Variants in DSC2 observed in about 807,000 individuals in gnomAD.
DSC2 encodes desmocollin-2.
DSC2 carries 51 observed loss-of-function variants against 87.6 expected under a neutral mutation model. That is an observed-to-expected ratio of 0.58 (90% CI 0.46 to 0.74). The LOEUF is 0.74. DSC2 is among the 30% of genes least tolerant of loss of function. DSC2 has a pLI of 0.00. For synonymous variants in DSC2, 383 were observed against 393.2 expected (o/e 0.97, Z 0.31); for missense variants, 1,066 against 1,089.5 (o/e 0.98, Z 0.30).
At position 31,086,637 on chromosome 18, in the gene DSC2, AG is replaced by A. The variant is rs1451144520; in HGVS notation, c.880del (p.Leu294TyrfsTer10). 2 of 1,614,044 alleles carry A rather than the reference AG, an allele frequency of 1.2e-6. No individual in the cohort carries two copies. Among genetic ancestry groups the A allele is most frequent in the Non-Finnish European group, 1.7e-6 (2 of 1,180,008 alleles). On this transcript the variant is annotated frameshift_variant, in exon 7 of 16. Transcript: ENST00000280904. LOFTEE classifies it high-confidence loss of function. ...IIGQVPPSPT[L>X]FSMHPTTGVI... ...GCCTGTAGTTGGATGCATAGAAAAT[AG>A]GGTGGGTGATGGTGGCACCTGCCCA...
intron 7 of DSC2, among the ~76,000 whole-genome samples, chr18:31,085,892 G>A (rs1229394489): frequency 6.6e-6 from 1 of 152,016 alleles, no homozygotes; most frequent in African/African-American, 2.4e-5. Context: ...CTAAGCTAGG[G>A]TATTGCAGTA....
intron 9 of DSC2, among the ~76,000 whole-genome samples, chr18:31,081,298 C>T (rs150386841): frequency 0.01 from 1,537 of 152,048 alleles, 27 homozygotes; most frequent in African/African-American, 0.036. Flanking sequence ...GTCTTAAAGA[C>T]GGGAACATAT....
chr18:31,094,677 A>G (rs1987708572), intron 1 of DSC2, among the ~76,000 whole-genome samples: 1 of 152,220 alleles, frequency 6.6e-6, no homozygotes, highest in Admixed American at 6.5e-5. Flanking sequence ...TTGGATGGAA[A>G]TGTTTATTTT....
rs1987994258 is a variant in DSC2, at chr18:31,102,255, T to C, written c.-284A>G. On this transcript the variant is annotated 5_prime_UTR_variant, in exon 1 of 16. Transcript: ENST00000280904. ...TTTAAGACTTAAGACTTCATTTCTC[T>C]AAGAAAGCCACGGGTGGGAACTCCC... 1.1e-5 allele frequency: 4 copies of C among 351,410 alleles called. No individual in the cohort carries two copies. The highest frequency in any genetic ancestry group is 2.1e-5 in the African/African-American group (1 of 47,200). 21.8% of individuals were successfully genotyped at this position (351,410 alleles called of 1,614,324 possible).
rs926276172 is a variant in DSC2 at position 31,102,221 on chromosome 18, T to C, written c.-250A>G. 1.8e-5 allele frequency: 8 copies of C among 435,286 alleles called. No individual in the cohort carries two copies. In the East Asian group the frequency reaches 2.6e-4, roughly 14 times the overall value. 27.0% of individuals were successfully genotyped at this position (435,286 alleles called of 1,614,324 possible). On this transcript the variant is annotated 5_prime_UTR_variant, in exon 1 of 16. Coordinates refer to ENST00000280904, the MANE Select transcript of DSC2 (RefSeq NM_024422.6). ...CAAAAGACACCGATCGGCCCCTCCT[T>C]GTTGTCTATTTAAGACTTAAGACTT... is the stretch of plus-strand genomic sequence containing the variant.
At chr18:31,071,912 T>C in intron 12 of DSC2, 71 bp from the exon 13 acceptor site, 1 of 1,312,554 alleles carries the variant, frequency 7.6e-7, no homozygotes. Context: ...AAATAACTCA[T>C]TATCAGATAG....
Position 31,087,727 on chromosome 18 carries a change from G to C in DSC2, c.717C>G (p.Asn239Lys). ...LIIKIEDEND[N>K]YPIFTEETYT... ...AAGTTTCTTCTGTAAAAATTGGGTA[G>C]TTATCATTTTCATCCTCTATTTTGA... The change falls in exon 6 of 16, where the codon AAC becomes AAG. Residue 239 changes from asparagine (N) to lysine (K), a missense_variant. By Grantham distance (94) the Asn-to-Lys change is moderately conservative. Transcript: ENST00000280904. 1 of 1,613,770 alleles carries C rather than the reference G, an allele frequency of 6.2e-7. No individual in the cohort carries two copies. The highest frequency in any genetic ancestry group is 1.1e-5 in the South Asian group (1 of 91,080).
At chr18:31,085,708 T>C (rs1177800845) in intron 7 of DSC2, among the ~76,000 whole-genome samples, 3 of 151,960 alleles carry the variant, frequency 2.0e-5, no homozygotes, top group Non-Finnish European at 4.4e-5. Context: ...AGAAAATTAA[T>C]CTGAAGATTT....
intron 3 of DSC2, chr18:31,091,680 A>G: frequency 2.2e-6 from 1 of 451,428 alleles, no homozygotes; most frequent in African/African-American, 2.0e-5. Context: ...ACACAATAGC[A>G]TGCATGTGGT....
intron 1 of DSC2, among the ~76,000 whole-genome samples, chr18:31,099,347 G>A (rs750699995): frequency 2.6e-5 from 4 of 152,106 alleles, no homozygotes; most frequent in African/African-American, 4.8e-5. Context: ...GCCAGGTGAC[G>A]GAGGTTAGGG....
rs1197849355 is a variant in DSC2 at position 31,065,813 on chromosome 18, C to T, written c.*2202G>A. ...ACCAGGCAATCCCATACGAATGCCT[C>T]AGCAATCTTTGCACTACGTATTCTG... On this transcript the variant is annotated 3_prime_UTR_variant, in exon 16 of 16. Coordinates refer to ENST00000280904, the MANE Select transcript of DSC2 (RefSeq NM_024422.6). The T allele has an allele frequency of 6.6e-6, 1 of 152,206 alleles. No homozygotes were observed. The highest frequency in any genetic ancestry group is 2.4e-5 in the African/African-American group (1 of 41,454). 9.4% of individuals were successfully genotyped at this position (152,206 alleles called of 1,614,324 possible). A position where few individuals can be genotyped will look rare whatever the true frequency, so the allele number is the denominator to read the frequency against.
In DSC2 at chr18:31,087,674, C is replaced by A. The variant is rs763706897; in HGVS notation, c.770G>T (p.Arg257Ile). ...TTGTTTAAGGAGGTACTCACCCACT[C>A]TGCAATTTTCAAAAATTGTAAAAGT... ...TYTFTIFENC[R>I]VGTTVGQVCA... is the part of the protein sequence containing the mutation. Residue 257 changes from arginine (R) to isoleucine (I), a missense_variant, in exon 6 of 16, where the codon AGA (arginine) becomes ATA (isoleucine). Transcript: ENST00000280904. 4 of 1,611,844 alleles carry A rather than the reference C, an allele frequency of 2.5e-6. No individual in the cohort carries two copies. The South Asian group carries it at 4.4e-5, about 18-fold the overall frequency.
intron 12 of DSC2, 88 bp downstream of exon 12, chr18:31,074,595 G>T: frequency 1.6e-6 from 2 of 1,243,990 alleles, no homozygotes; most frequent in Non-Finnish European, 1.1e-6. Flanking sequence ...CCCACATGGT[G>T]AATTTTCTCC....
chr18:31,087,955 A>G lies in DSC2; in HGVS notation c.631-142T>C, dbSNP rs887639332. On this transcript the variant is annotated intron_variant, in intron 5 of 15. Coordinates refer to ENST00000280904, the MANE Select transcript of DSC2 (RefSeq NM_024422.6). Reference sequence around the variant, plus strand: ...CATTTGTTATTGTTCTGGGATATGGATATAATTTTAATGCCAAAGAGGTGC... The same window carrying G: ...CATTTGTTATTGTTCTGGGATATGGGTATAATTTTAATGCCAAAGAGGTGC... 4 of 841,472 alleles carry G rather than the reference A, an allele frequency of 4.8e-6. No individual in the cohort carries two copies. In the East Asian group the frequency reaches 1.1e-4, roughly 22 times the overall value. The allele number at this position is 841,472 out of a possible 1,614,324, so 52.1% of individuals were successfully genotyped here.
rs1986586788 is a variant in DSC2, at chr18:31,065,261, T to C, written c.*2754A>G. 6.6e-6 allele frequency: 1 copy of C among 152,216 alleles called. No homozygotes were observed. The highest frequency in any genetic ancestry group is 1.5e-5 in the Non-Finnish European group (1 of 68,068). The allele number at this position is 152,216 out of a possible 1,614,324, so 9.4% of individuals were successfully genotyped here. On this transcript the variant is annotated 3_prime_UTR_variant, in exon 16 of 16. Transcript: ENST00000280904. Reference sequence around the variant, plus strand: ...CTTCTGGGAAAGGTGAATAAGAGCATCATGGCAAGATGTCAGCAGTAAAGC... The same window carrying C: ...CTTCTGGGAAAGGTGAATAAGAGCACCATGGCAAGATGTCAGCAGTAAAGC...
chr18:31,088,123 A>T (rs1451678823), intron 5 of DSC2, among the ~76,000 whole-genome samples: 1 of 152,172 alleles, frequency 6.6e-6, no homozygotes, highest in Non-Finnish European at 1.5e-5. Flanking sequence ...AACAGCCTTG[A>T]AGACTTCTTT....
chr18:31,090,967 T>C, intron 4 of DSC2, 61 bp downstream of exon 4: 1 of 1,606,238 alleles, frequency 6.2e-7, no homozygotes, highest in Non-Finnish European at 8.5e-7. Flanking sequence ...TCATACTCAG[T>C]GTCATAATGG....
chr18:31,101,566 C>A (rs1245559892), intron 1 of DSC2: 1 of 288,502 alleles, frequency 3.5e-6, no homozygotes, highest in East Asian at 7.2e-5. Flanking sequence ...GCACTCCGAC[C>A]CCGGCGCACT....
intron 7 of DSC2, among the ~76,000 whole-genome samples, chr18:31,086,086 T>C (rs1168681653): frequency 6.6e-6 from 1 of 152,054 alleles, no homozygotes; most frequent in Non-Finnish European, 1.5e-5. Context: ...AAACATAGAA[T>C]GGAAAATATG....
Sources: allele counts gnomAD v4.1 joint callset (sites outside exome capture counted in the v4.1 genomes callset), GRCh38; gene constraint gnomAD v4.1.1; transcripts MANE v1.5; gene names NCBI Gene and HGNC (gene_info 2026-07-23, HGNC 2026-07-21).